Variants in TBC1D5 observed in about 807,000 individuals in gnomAD.
The protein encoded by TBC1D5 is TBC1 domain family member 5.
In TBC1D5, 75 loss-of-function variants were observed where a neutral mutation model predicts 100.3. The observed-to-expected ratio is 0.75, with a 90% CI of 0.62 to 0.91. TBC1D5 has a LOEUF of 0.91. Ranked by LOEUF, TBC1D5 falls within the 40% of genes least tolerant of loss-of-function variation. The probability of loss-of-function intolerance (pLI) is 0.00; values close to 1 mark genes in which losing one functional copy is unlikely to be tolerated. For synonymous variants in TBC1D5, 323 were observed against 325.6 expected (o/e 0.99, Z 0.09); for missense variants, 910 against 942.4 (o/e 0.97, Z 0.45).
chr3:17,378,030 G>C (rs1487459085), intron 9 of TBC1D5, among the ~76,000 whole-genome samples: 1 of 151,530 alleles, frequency 6.6e-6, no homozygotes, highest in East Asian at 1.9e-4. Context: ...ATAGTCTCAA[G>C]TTACTCCAAA....
chr3:17,249,390 A>G (rs2077002765), intron 16 of TBC1D5, among the ~76,000 whole-genome samples: 1 of 152,202 alleles, frequency 6.6e-6, no homozygotes, highest in Non-Finnish European at 1.5e-5. Flanking sequence ...AGAAGCTATT[A>G]TAGGGTTATT....
At chr3:17,361,100 A>G (rs17200795) in intron 13 of TBC1D5, among the ~76,000 whole-genome samples, 13,235 of 152,090 alleles carry the variant, frequency 0.087, 758 homozygotes, top group Non-Finnish European at 0.13. Flanking sequence ...CTCAAACCTC[A>G]TATGTCCATT....
intron 18 of TBC1D5, among the ~76,000 whole-genome samples, chr3:17,186,710 CAAAAAAAAAAAAAAAAAAAAAAAAAA>C (rs58438478): frequency 3.7e-5 from 1 of 27,272 alleles, no homozygotes; most frequent in Admixed American, 8.7e-4. Flanking sequence ...ACTCTATCTC[CAAAAAAAAAAAAAAAAAAAAAAAAAA>C]AAAAAAAATT....
chr3:17,687,264 A>C (rs1437739093), intron 1 of TBC1D5, among the ~76,000 whole-genome samples: 1 of 152,124 alleles, frequency 6.6e-6, no homozygotes. Flanking sequence ...ATATATCAAA[A>C]TGTTTTCAAC....
intron 2 of TBC1D5, among the ~76,000 whole-genome samples, chr3:17,567,384 C>G (rs2096600128): frequency 6.6e-6 from 1 of 151,708 alleles, no homozygotes; most frequent in Admixed American, 6.6e-5. Context: ...CTAGCACCAT[C>G]TGTTACCATC....
At chr3:17,706,314 C>G in intron 1 of TBC1D5, 12 of 1,484,346 alleles carry the variant, frequency 8.1e-6, no homozygotes, top group Non-Finnish European at 1.1e-5. Flanking sequence ...CTGTTCAAAC[C>G]AGAACTGTAT....
At chr3:17,170,689 T>C (rs1005710530) in intron 19 of TBC1D5, among the ~76,000 whole-genome samples, 1 of 151,034 alleles carries the variant, frequency 6.6e-6, no homozygotes, top group Non-Finnish European at 1.5e-5. Flanking sequence ...TAGTGGAAAA[T>C]GAAACCCAGA....
intron 13 of TBC1D5, among the ~76,000 whole-genome samples, chr3:17,369,902 A>T (rs2092371892): frequency 6.6e-6 from 1 of 152,196 alleles, no homozygotes; most frequent in Admixed American, 6.5e-5. Flanking sequence ...TACATATTTT[A>T]AAAAATAATA....
chr3:17,546,360 TAC>T (rs2096414759), intron 2 of TBC1D5, among the ~76,000 whole-genome samples: 5 of 152,208 alleles, frequency 3.3e-5, no homozygotes, highest in Admixed American at 3.3e-4. Context: ...TGGCCTCAAT[TAC>T]AAATGAAAAA....
chr3:17,342,681 A>T (rs1025892075), intron 13 of TBC1D5, among the ~76,000 whole-genome samples: 5 of 152,236 alleles, frequency 3.3e-5, no homozygotes, highest in Non-Finnish European at 7.3e-5. Context: ...AGAAAAAAAG[A>T]TACCCCTAAT....
chr3:17,244,880 T>C (rs1302878857), intron 16 of TBC1D5, among the ~76,000 whole-genome samples: 1 of 152,114 alleles, frequency 6.6e-6, no homozygotes, highest in Non-Finnish European at 1.5e-5. Context: ...GATATACTTC[T>C]ATTTAAAAAT....
At chr3:17,292,723 C>A (rs968568486) in intron 14 of TBC1D5, among the ~76,000 whole-genome samples, 10 of 152,078 alleles carry the variant, frequency 6.6e-5, no homozygotes, top group Non-Finnish European at 1.2e-4. Flanking sequence ...ATCTTATCTG[C>A]CACTGCTGTC....
intron 2 of TBC1D5, among the ~76,000 whole-genome samples, chr3:17,558,125 T>A (rs1449441902): frequency 6.6e-6 from 1 of 152,092 alleles, no homozygotes; most frequent in Non-Finnish European, 1.5e-5. Context: ...AAAACAACAA[T>A]AAACTATGAC....
Position 17,448,742 on chromosome 3 carries a change from G to T in TBC1D5, c.98-20223C>A, listed in dbSNP as rs529094347. Among the ~76,000 whole-genome samples the T allele has an allele frequency of 3.3e-5, 5 of 152,270 alleles. No individual in the cohort carries two copies. In the South Asian group the frequency reaches 1.0e-3, roughly 32 times the overall value. On this transcript the variant is annotated intron_variant, in intron 3 of 21. Coordinates refer to ENST00000253692, the Ensembl canonical transcript of TBC1D5. ...CTATAAGCAAATGTACTAACATCCAGCCTTTACTGTTCTATTTACAGAGCA... is the reference window on the plus strand; with the variant it reads ...CTATAAGCAAATGTACTAACATCCATCCTTTACTGTTCTATTTACAGAGCA...
intron 9 of TBC1D5, among the ~76,000 whole-genome samples, chr3:17,382,287 C>T (rs1322503990): frequency 1.3e-5 from 2 of 151,954 alleles, no homozygotes; most frequent in Non-Finnish European, 2.9e-5. Context: ...TAGTAAATGA[C>T]AGAGGTGAGA....
rs189430661 is a variant in TBC1D5, at chr3:17,721,119, G to A, written c.-101+18224C>T. ...GCCTCCCAAAGTGCTGGGATTACAG[G>A]GATGAGAAACCACACCCCGCCGAGA... On this transcript the variant is annotated intron_variant, in intron 1 of 21. Coordinates refer to ENST00000253692, the Ensembl canonical transcript of TBC1D5. Among the ~76,000 whole-genome samples the A allele has an allele frequency of 8.4e-4, 128 of 151,690 alleles. 1 individual carries two copies. Among genetic ancestry groups the A allele is most frequent in the Middle Eastern group, 6.8e-3 (2 of 294 alleles).
intron 1 of TBC1D5, among the ~76,000 whole-genome samples, chr3:17,726,969 C>T (rs572212748): frequency 1.6e-4 from 25 of 152,282 alleles, no homozygotes; most frequent in African/African-American, 5.8e-4. Flanking sequence ...CAGATCAATC[C>T]TATTATACGG....
At chr3:17,263,992 A>C (rs918910041) in intron 15 of TBC1D5, among the ~76,000 whole-genome samples, 39 of 152,108 alleles carry the variant, frequency 2.6e-4, no homozygotes, top group African/African-American at 9.4e-4. Context: ...TAAAACAAAC[A>C]TTCTGTCCAA....
chr3:17,581,868 G>A (rs1157957415), intron 2 of TBC1D5, among the ~76,000 whole-genome samples: 1 of 152,142 alleles, frequency 6.6e-6, no homozygotes, highest in African/African-American at 2.4e-5. Flanking sequence ...TCACTTTGCT[G>A]CAGCCACACT....
Sources: allele counts gnomAD v4.1 joint callset (sites outside exome capture counted in the v4.1 genomes callset), GRCh38; gene constraint gnomAD v4.1.1; transcripts MANE v1.5; gene names NCBI Gene and HGNC (gene_info 2026-07-23, HGNC 2026-07-21).